Variants in MID1 observed in about 807,000 individuals in gnomAD.
MID1 encodes the protein midline 1, also known as E3 ubiquitin-protein ligase Midline-1.
Under a neutral mutation model 40.4 loss-of-function variants are expected in MID1, and 7 were observed. That is an observed-to-expected ratio of 0.17 (90% confidence interval 0.10 to 0.33). The LOEUF is 0.33. MID1 is among the 10% of genes least tolerant of loss of function. The pLI is 1.00. For missense variants in MID1, 367 were observed against 558.5 expected, an observed-to-expected ratio of 0.66 and a Z score of 3.46; for synonymous variants, 229 against 221.2, an observed-to-expected ratio of 1.04 and a Z score of -0.31.
intron 1 of MID1, among the ~76,000 whole-genome samples, chrX:10,645,915 A>G (rs1286163614): frequency 8.9e-6 from 1 of 111,859 alleles, no homozygotes; most frequent in Non-Finnish European, 1.9e-5. Context: ...TGGATGGGCC[A>G]CAGGAGCCTC....
intron 1 of MID1, among the ~76,000 whole-genome samples, chrX:10,569,229 A>G (rs1031007477): frequency 2.7e-5 from 3 of 112,094 alleles, no homozygotes; most frequent in Admixed American, 9.5e-5. Context: ...AGTATAAAGT[A>G]TGTCCCGAGC....
intron 1 of MID1, among the ~76,000 whole-genome samples, chrX:10,790,450 C>T: frequency 9.0e-6 from 1 of 110,806 alleles, no homozygotes; most frequent in East Asian, 2.8e-4. Context: ...AGCACCCTTG[C>T]TGCTTGGCTC....
chrX:10,726,449 G>A (rs1225952044), intron 1 of MID1, among the ~76,000 whole-genome samples: 1 of 111,178 alleles, frequency 9.0e-6, no homozygotes, highest in Non-Finnish European at 1.9e-5. Flanking sequence ...TAAAAGGTTG[G>A]GGATTTTAGG....
In MID1 at chrX:10,449,409, G is replaced by A; in HGVS notation, c.1963C>T (p.Pro655Ser). 1 of 1,211,736 alleles carries A rather than the reference G, an allele frequency of 8.3e-7. No individual in the cohort carries two copies. The highest frequency in any genetic ancestry group is 1.1e-6 in the Non-Finnish European group (1 of 895,463). ...NKCLTIITGL[P>S]IPDHLDCTEQ... Reference sequence around the variant, plus strand: ...GTGCAGTCCAAATGGTCTGGGATAGGGAGCCCAGTGATAATCGTCAGACAC... The same window carrying A: ...GTGCAGTCCAAATGGTCTGGGATAGAGAGCCCAGTGATAATCGTCAGACAC... Residue 655 changes from proline to serine, a missense_variant, in exon 10 of 10, where the codon CCT becomes TCT. Coordinates refer to ENST00000317552, the MANE Select transcript of MID1 (RefSeq NM_000381.4).
intron 1 of MID1, among the ~76,000 whole-genome samples, chrX:10,587,090 T>C (rs1935157954): frequency 8.9e-6 from 1 of 112,729 alleles, no homozygotes; most frequent in Non-Finnish European, 1.9e-5. Flanking sequence ...GGGACTCCAA[T>C]TGCGTCTAAA....
At chrX:10,552,561 A>T (rs900749694) in intron 2 of MID1, among the ~76,000 whole-genome samples, 1 of 111,004 alleles carries the variant, frequency 9.0e-6, no homozygotes, top group Non-Finnish European at 1.9e-5. Flanking sequence ...TAGTCGTTAT[A>T]CTTTTTTATT....
At chrX:10,739,381 A>G (rs1277978868) in intron 1 of MID1, among the ~76,000 whole-genome samples, 1 of 111,588 alleles carries the variant, frequency 9.0e-6, no homozygotes, top group African/African-American at 3.3e-5. Context: ...TCTAACTTAA[A>G]CCTTTTTCTG....
At chrX:10,594,356 C>T (rs1184591609) in intron 1 of MID1, among the ~76,000 whole-genome samples, 1 of 111,580 alleles carries the variant, frequency 9.0e-6, no homozygotes, top group East Asian at 2.8e-4. Flanking sequence ...TTCACCAAGC[C>T]TTGCCCTGAA....
chrX:10,577,908 A>G (rs976815670), intron 1 of MID1, among the ~76,000 whole-genome samples: 2 of 111,536 alleles, frequency 1.8e-5, no homozygotes, highest in Non-Finnish European at 3.8e-5. Flanking sequence ...AACTGCAAGT[A>G]AAGTAAATCA....
intron 4 of MID1, among the ~76,000 whole-genome samples, chrX:10,482,988 T>C (rs950459987): frequency 1.8e-5 from 2 of 112,652 alleles, no homozygotes; most frequent in South Asian, 7.4e-4. Flanking sequence ...GAACTTTCTC[T>C]ATCTCAGGTT....
At chrX:10,461,898 A>T (rs1227995388) in intron 7 of MID1, among the ~76,000 whole-genome samples, 1 of 112,004 alleles carries the variant, frequency 8.9e-6, no homozygotes, top group Non-Finnish European at 1.9e-5. Context: ...GTTTCAATAA[A>T]CTTTACATCA....
At chrX:10,643,264 A>G (rs1433313197) in intron 1 of MID1, among the ~76,000 whole-genome samples, 1 of 111,720 alleles carries the variant, frequency 9.0e-6, no homozygotes, top group East Asian at 2.8e-4. Context: ...CAATCTACCC[A>G]TCTGACAAAG....
At chrX:10,697,040 T>C (rs2147079983) in intron 1 of MID1, among the ~76,000 whole-genome samples, 1 of 112,145 alleles carries the variant, frequency 8.9e-6, no homozygotes, top group East Asian at 2.8e-4. Context: ...CTGCCTCCAC[T>C]TCAATAGGCA....
chrX:10,490,958 T>C (rs1930912132), intron 4 of MID1, among the ~76,000 whole-genome samples: 1 of 112,282 alleles, frequency 8.9e-6, no homozygotes, highest in South Asian at 3.7e-4. Context: ...ACAATTTTCT[T>C]ATGTTTAAAA....
At chrX:10,727,873 C>T (rs1365894683) in intron 1 of MID1, among the ~76,000 whole-genome samples, 1 of 111,980 alleles carries the variant, frequency 8.9e-6, no homozygotes, top group East Asian at 2.8e-4. Context: ...TTATCAGGGA[C>T]ACTTCAACTT....
intron 1 of MID1, among the ~76,000 whole-genome samples, chrX:10,738,258 T>C (rs922745197): frequency 1.9e-4 from 21 of 112,001 alleles, no homozygotes; most frequent in African/African-American, 6.5e-4. Flanking sequence ...AACAAACACA[T>C]AACAGGAAAT....
intron 1 of MID1, among the ~76,000 whole-genome samples, chrX:10,764,649 T>C (rs1035285514): frequency 1.8e-5 from 2 of 111,869 alleles, no homozygotes; most frequent in South Asian, 3.8e-4. Flanking sequence ...TCTCAACATT[T>C]ACAGAACAGA....
intron 2 of MID1, among the ~76,000 whole-genome samples, chrX:10,564,502 C>T (rs1934451455): frequency 9.0e-6 from 1 of 111,715 alleles, no homozygotes; most frequent in Non-Finnish European, 1.9e-5. Context: ...TGTTTCGGTG[C>T]ATTGGATGCT....
At chrX:10,816,594 C>T (rs1602595015) in intron 1 of MID1, among the ~76,000 whole-genome samples, 1 of 111,871 alleles carries the variant, frequency 8.9e-6, no homozygotes, top group East Asian at 2.8e-4. Flanking sequence ...CTCACTATCC[C>T]TAAGTATGCA....
Sources: allele counts gnomAD v4.1 joint callset (sites outside exome capture counted in the v4.1 genomes callset), GRCh38; gene constraint gnomAD v4.1.1; transcripts MANE v1.5; gene names NCBI Gene and HGNC (gene_info 2026-07-23, HGNC 2026-07-21).